The following SYN3 variants were observed in gnomAD, a reference collection of about 807,000 sequenced individuals.
SYN3 encodes synapsin-3.
Under a neutral mutation model 65.8 loss-of-function variants are expected in SYN3, and 35 were observed. The ratio of observed to expected loss-of-function variants is 0.53; its 90% CI spans 0.41 to 0.70. SYN3 has a LOEUF of 0.70. Ranked by LOEUF, SYN3 falls within the 30% of genes least tolerant of loss-of-function variation. The pLI is 0.00. For synonymous variants in SYN3, 270 were observed against 292.9 expected, an observed-to-expected ratio of 0.92 and a Z score of 0.80; for missense variants, 680 against 749.0, an observed-to-expected ratio of 0.91 and a Z score of 1.08.
chr22:32,762,592 G>A (rs1037852509), intron 6 of SYN3, among the ~76,000 whole-genome samples: 1 of 151,538 alleles, frequency 6.6e-6, no homozygotes, highest in African/African-American at 2.4e-5. Flanking sequence ...ACCTTGGGGA[G>A]GTCACTTCCT....
intron 6 of SYN3, among the ~76,000 whole-genome samples, chr22:32,738,980 T>C (rs989947564): frequency 6.6e-6 from 1 of 152,250 alleles, no homozygotes; most frequent in South Asian, 2.1e-4. Context: ...ATAAAGGTGA[T>C]ATTTTCTTTC....
intron 7 of SYN3, among the ~76,000 whole-genome samples, chr22:32,548,175 C>T (rs76944805): frequency 0.013 from 2,005 of 152,280 alleles, 48 homozygotes; most frequent in African/African-American, 0.046. Flanking sequence ...CTGTCCCCTC[C>T]CTCTATCCAG....
chr22:32,572,423 C>CAT (rs1386335282), intron 7 of SYN3, among the ~76,000 whole-genome samples: 1 of 5,324 alleles, frequency 1.9e-4, no homozygotes, highest in Non-Finnish European at 7.8e-4. Context: ...TTCCTTCCTT[C>CAT]TTCCTTCCTT....
At chr22:32,670,248 T>G (rs765098268) in intron 6 of SYN3, among the ~76,000 whole-genome samples, 230 of 152,322 alleles carry the variant, frequency 1.5e-3, no homozygotes, top group Non-Finnish European at 2.8e-3. Flanking sequence ...AAATTAGAAC[T>G]AGATATATCT....
chr22:32,944,772 C>T (rs1005161500), intron 3 of SYN3, among the ~76,000 whole-genome samples: 1 of 152,176 alleles, frequency 6.6e-6, no homozygotes, highest in Admixed American at 6.5e-5. Flanking sequence ...TTGCAGATGA[C>T]ATGATTGTAT....
At chr22:32,938,575 C>G (rs2050843686) in intron 3 of SYN3, among the ~76,000 whole-genome samples, 1 of 149,602 alleles carries the variant, frequency 6.7e-6, no homozygotes, top group Non-Finnish European at 1.5e-5. Flanking sequence ...AAAAAGAAAA[C>G]CAACCAAAAA....
intron 2 of SYN3, among the ~76,000 whole-genome samples, chr22:33,002,487 C>CA (rs1297936148): frequency 2.0e-5 from 3 of 151,854 alleles, no homozygotes; most frequent in Non-Finnish European, 4.4e-5. Context: ...AGTAAAAATA[C>CA]AAAAAAATTA....
intron 6 of SYN3, among the ~76,000 whole-genome samples, chr22:32,767,040 C>G (rs1201491750): frequency 6.6e-6 from 1 of 152,194 alleles, no homozygotes; most frequent in Non-Finnish European, 1.5e-5. Flanking sequence ...AAATCCAAAT[C>G]AGTTATAGGC....
At chr22:32,515,154 A>C (rs901257616) in intron 13 of SYN3, among the ~76,000 whole-genome samples, 2 of 152,188 alleles carry the variant, frequency 1.3e-5, no homozygotes, top group African/African-American at 4.8e-5. Flanking sequence ...CTTGAATTGA[A>C]CCAAGTTCTT....
intron 6 of SYN3, among the ~76,000 whole-genome samples, chr22:32,798,510 G>T (rs1024730466): frequency 6.6e-6 from 1 of 152,014 alleles, no homozygotes. Flanking sequence ...TACAAAGAGG[G>T]TGGATATGAA....
At chr22:32,857,924 C>A in intron 6 of SYN3, 8 of 1,592,666 alleles carry the variant, frequency 5.0e-6, no homozygotes, top group Non-Finnish European at 6.9e-6. Context: ...GCCACAGTGC[C>A]TGGGCTAAGT....
intron 6 of SYN3, among the ~76,000 whole-genome samples, chr22:32,644,709 G>C (rs899176106): frequency 6.6e-6 from 1 of 152,184 alleles, no homozygotes; most frequent in African/African-American, 2.4e-5. Context: ...TTGTGTACCA[G>C]AGCCTGGCAG....
intron 4 of SYN3, among the ~76,000 whole-genome samples, chr22:32,926,469 A>G (rs1388865842): frequency 2.6e-4 from 40 of 152,152 alleles, no homozygotes; most frequent in Non-Finnish European, 5.7e-4. Context: ...TATTTCTTCT[A>G]AGTAAATGAA....
intron 4 of SYN3, among the ~76,000 whole-genome samples, chr22:32,886,440 C>G (rs1057076662): frequency 1.3e-5 from 2 of 152,198 alleles, no homozygotes; most frequent in East Asian, 1.9e-4. Context: ...CCCAGCTGTG[C>G]GACTCTGGAC....
intron 1 of SYN3, among the ~76,000 whole-genome samples, chr22:33,022,722 C>T (rs1363037654): frequency 6.6e-6 from 1 of 152,076 alleles, no homozygotes; most frequent in Non-Finnish European, 1.5e-5. Flanking sequence ...AGGGTCTCCT[C>T]GAAGTCAAGA....
At chr22:32,774,149 C>T (rs1417274263) in intron 6 of SYN3, among the ~76,000 whole-genome samples, 1 of 152,112 alleles carries the variant, frequency 6.6e-6, no homozygotes, top group Non-Finnish European at 1.5e-5. Flanking sequence ...CAAGAAAAAC[C>T]ATGAGGGTTT....
At chr22:32,594,549 G>A (rs2019913) in intron 7 of SYN3, among the ~76,000 whole-genome samples, 110,937 of 151,412 alleles carry the variant, frequency 0.73, 40,854 homozygotes, top group East Asian at 0.93. Flanking sequence ...GTGCAATGGC[G>A]TGATCTCGGC....
chr22:32,616,460 G>A (rs2059521569), intron 6 of SYN3, among the ~76,000 whole-genome samples: 1 of 152,202 alleles, frequency 6.6e-6, no homozygotes, highest in Admixed American at 6.5e-5. Flanking sequence ...GTCTCCTTGT[G>A]GCAGTCGGGC....
intron 6 of SYN3, among the ~76,000 whole-genome samples, chr22:32,745,375 C>G (rs1043306441): frequency 5.3e-5 from 8 of 152,210 alleles, no homozygotes; most frequent in Non-Finnish European, 7.3e-5. Context: ...GGACTCCACC[C>G]GTCTTCAAAC....
Sources: allele counts gnomAD v4.1 joint callset (sites outside exome capture counted in the v4.1 genomes callset), GRCh38; gene constraint gnomAD v4.1.1; transcripts MANE v1.5; gene names NCBI Gene and HGNC (gene_info 2026-07-23, HGNC 2026-07-21).